The following SLC8A1 variants were observed in gnomAD, a reference collection of about 807,000 sequenced individuals.
SLC8A1 encodes solute carrier family 8 member A1, also known as sodium/calcium exchanger 1.
Under a neutral mutation model 68.3 loss-of-function variants are expected in SLC8A1, and 18 were observed. The observed-to-expected ratio is 0.26, with a 90% CI of 0.18 to 0.39. SLC8A1 has a LOEUF of 0.39. Among genes scored for constraint, SLC8A1 ranks in the 10% least tolerant of loss-of-function variants. SLC8A1 has a pLI of 1.00. For missense variants in SLC8A1, 985 were observed against 1,156.7 expected, an observed-to-expected ratio of 0.85 and a Z score of 2.15; for synonymous variants, 475 against 415.5, an observed-to-expected ratio of 1.14 and a Z score of -1.74.
chr2:40,438,316 C>A (rs1360240485), intron 1 of SLC8A1, among the ~76,000 whole-genome samples: 3 of 152,068 alleles, frequency 2.0e-5, no homozygotes, highest in South Asian at 2.1e-4. Flanking sequence ...ATCTAGGTCA[C>A]CAAAAAGGAT....
chr2:40,383,774 G>A (rs988344338), intron 2 of SLC8A1, among the ~76,000 whole-genome samples: 1 of 152,086 alleles, frequency 6.6e-6, no homozygotes, highest in African/African-American at 2.4e-5. Flanking sequence ...ATCCACAGAA[G>A]TCACAGACTG....
At chr2:40,383,581 G>A (rs896351528) in intron 2 of SLC8A1, among the ~76,000 whole-genome samples, 10 of 152,002 alleles carry the variant, frequency 6.6e-5, no homozygotes, top group Admixed American at 2.0e-4. Context: ...ACTCACTAGA[G>A]AAGTAGGTAC....
intron 7 of SLC8A1, among the ~76,000 whole-genome samples, chr2:40,134,421 G>T (rs1201504804): frequency 6.6e-6 from 1 of 151,976 alleles, no homozygotes; most frequent in East Asian, 1.9e-4. Flanking sequence ...ACTGGCCTGA[G>T]GTCTGGGTCT....
chr2:40,121,206 G>A (rs1311718057), intron 7 of SLC8A1, among the ~76,000 whole-genome samples: 1 of 152,156 alleles, frequency 6.6e-6, no homozygotes, highest in Admixed American at 6.5e-5. Context: ...ACTCTCTGAG[G>A]ACGGGATACA....
chr2:40,432,401 T>TTGTGTGTGTGTGTGTGTG lies in SLC8A1; in HGVS notation c.-24-2115_-24-2098dup, dbSNP rs112824729. Among the ~76,000 whole-genome samples the TTGTGTGTGTGTGTGTGTG allele has an allele frequency of 5.1e-3, 656 of 128,822 alleles. 11 individuals carry two copies. The highest frequency in any genetic ancestry group is 0.015 in the South Asian group (51 of 3,410). The allele number at this position is 128,822 out of a possible 152,430, so 84.5% of individuals were successfully genotyped here. On this transcript the variant is annotated intron_variant, in intron 1 of 7. Transcript: ENST00000406785. ...TATAGAGGACAAGGAGAGTGTGAGA[T>TTGTGTGTGTGTGTGTGTG]TGTGTGTGTGTGTGTGTGTGTGTAT...
At chr2:40,371,348 G>A (rs1032777850) in intron 2 of SLC8A1, among the ~76,000 whole-genome samples, 17 of 152,110 alleles carry the variant, frequency 1.1e-4, no homozygotes, top group Admixed American at 1.1e-3. Context: ...CTTTAGGTAA[G>A]AAGGGGGAGA....
At chr2:40,300,282 C>A (rs2071207151) in intron 2 of SLC8A1, among the ~76,000 whole-genome samples, 1 of 152,062 alleles carries the variant, frequency 6.6e-6, no homozygotes, top group East Asian at 1.9e-4. Context: ...TACTGCAATC[C>A]TATAAAGTCA....
intron 1 of SLC8A1, among the ~76,000 whole-genome samples, chr2:40,440,708 A>C (rs1394850656): frequency 2.0e-5 from 3 of 152,216 alleles, no homozygotes; most frequent in Non-Finnish European, 4.4e-5. Flanking sequence ...GACGCAGAAA[A>C]GGCATTTGAT....
intron 2 of SLC8A1, among the ~76,000 whole-genome samples, chr2:40,378,048 C>A (rs1263236287): frequency 3.3e-5 from 5 of 152,046 alleles, no homozygotes; most frequent in Admixed American, 2.6e-4. Context: ...TATTAATAAC[C>A]TGCTGTATGC....
At chr2:40,161,673 A>G (rs2045713850) in intron 5 of SLC8A1, among the ~76,000 whole-genome samples, 1 of 152,204 alleles carries the variant, frequency 6.6e-6, no homozygotes, top group Non-Finnish European at 1.5e-5. Flanking sequence ...CGAGAAAACT[A>G]AGTAAGCAGA....
At chr2:40,303,885 G>T (rs2072044973) in intron 2 of SLC8A1, among the ~76,000 whole-genome samples, 1 of 152,148 alleles carries the variant, frequency 6.6e-6, no homozygotes, top group Non-Finnish European at 1.5e-5. Context: ...AAAGGAGCTT[G>T]TGTTTTCCTC....
intron 2 of SLC8A1, among the ~76,000 whole-genome samples, chr2:40,399,188 A>T (rs1384807745): frequency 2.0e-5 from 3 of 152,164 alleles, no homozygotes. Flanking sequence ...ATGTTGAAAG[A>T]TTTTTTATTA....
In SLC8A1 at chr2:40,396,777, A is replaced by AAAAAAAAG. The variant is rs1320205950; in HGVS notation, c.1808+31695_1808+31696insCTTTTTTT. Among the ~76,000 whole-genome samples, 2 of 146,998 alleles carry AAAAAAAAG rather than the reference A, an allele frequency of 1.4e-5. 1 individual carries two copies. Among genetic ancestry groups the AAAAAAAAG allele is most frequent in the African/African-American group, 5.0e-5 (2 of 40,180 alleles). On this transcript the variant is annotated intron_variant, in intron 2 of 7. Transcript: ENST00000406785. ...AAAAAAAAAAAAAAAAAAAAAAAAA[A>AAAAAAAAG]CAAGAGAAGTTAAAGAAGCAAACCA...
chr2:40,261,671 A>C (rs563906535), intron 2 of SLC8A1, among the ~76,000 whole-genome samples: 16 of 152,316 alleles, frequency 1.1e-4, no homozygotes, highest in African/African-American at 3.8e-4. Flanking sequence ...ACAAAATACT[A>C]TGCCTTTATT....
At chr2:40,321,652 C>T (rs893810898) in intron 2 of SLC8A1, among the ~76,000 whole-genome samples, 5 of 152,066 alleles carry the variant, frequency 3.3e-5, no homozygotes, top group Admixed American at 6.6e-5. Flanking sequence ...GGAGAAGTGC[C>T]GAGTAAAAGC....
chr2:40,415,271 T>C (rs1259430164), intron 2 of SLC8A1, among the ~76,000 whole-genome samples: 1 of 151,774 alleles, frequency 6.6e-6, no homozygotes, highest in Non-Finnish European at 1.5e-5. Flanking sequence ...CTTCCAAGAG[T>C]CTCTCATTTA....
intron 2 of SLC8A1, among the ~76,000 whole-genome samples, chr2:40,285,195 A>C (rs1482886755): frequency 1.3e-5 from 2 of 152,162 alleles, no homozygotes; most frequent in African/African-American, 4.8e-5. Flanking sequence ...AGAAGATCGC[A>C]GTTAGAGACA....
At position 40,389,934 on chromosome 2, in the gene SLC8A1, A is replaced by G. The variant is rs145696513; in HGVS notation, c.1808+38539T>C. Among the ~76,000 whole-genome samples, 373 of 151,960 alleles carry G rather than the reference A, an allele frequency of 2.5e-3. 8 individuals carry two copies. The highest frequency in any genetic ancestry group is 0.013 in the East Asian group (66 of 5,144). On this transcript the variant is annotated intron_variant, in intron 2 of 7. Transcript: ENST00000406785. ...ATATTTTCTTCCAATTTATAGACACACACACACACACATACACACACAGTG... is the reference window on the plus strand; with the variant it reads ...ATATTTTCTTCCAATTTATAGACACGCACACACACACATACACACACAGTG...
intron 2 of SLC8A1, among the ~76,000 whole-genome samples, chr2:40,361,886 C>CTTTTTTTTTT (rs1559387901): frequency 3.7e-5 from 3 of 80,928 alleles, no homozygotes; most frequent in African/African-American, 1.0e-4. Flanking sequence ...TCTTTTCTTT[C>CTTTTTTTTTT]CTTTTTTTTT....
Sources: allele counts gnomAD v4.1 joint callset (sites outside exome capture counted in the v4.1 genomes callset), GRCh38; gene constraint gnomAD v4.1.1; transcripts MANE v1.5; gene names NCBI Gene and HGNC (gene_info 2026-07-23, HGNC 2026-07-21).